The following GON4L variants were observed in gnomAD, a reference collection of about 807,000 sequenced individuals.
GON4L encodes GON-4-like protein.
A neutral mutation model predicts 211.8 loss-of-function variants in GON4L; 87 were observed. The ratio of observed to expected loss-of-function variants is 0.41; its 90% CI spans 0.35 to 0.49. The LOEUF is 0.49. Ranked by LOEUF, GON4L falls within the 20% of genes least tolerant of loss-of-function variation. The pLI is 0.15. For missense variants in GON4L, 2,155 were observed against 2,659.5 expected (o/e 0.81, Z 4.17); for synonymous variants, 875 against 962.6 (o/e 0.91, Z 1.68).
rs931552346 is a variant in GON4L at position 155,754,088 on chromosome 1, A to C, written c.5631+287T>G. On this transcript the variant is annotated intron_variant, in intron 28 of 31. Coordinates refer to ENST00000368331, the MANE Select transcript of GON4L (RefSeq NM_001282860.2). ...AGAACCAGGATTACTTGTAGAGACT[A>C]TTTTCACGACAGAGGTTTATTTCAT... is the stretch of plus-strand genomic sequence containing the variant. 2.3e-5 allele frequency: 10 copies of C among 431,534 alleles called. No individual in the cohort carries two copies. In the Admixed American group the frequency reaches 3.4e-4, roughly 15 times the overall value. 26.7% of individuals were successfully genotyped at this position (431,534 alleles called of 1,614,324 possible). A position where few individuals can be genotyped will look rare whatever the true frequency, so the allele number is the denominator to read the frequency against.
intron 10 of GON4L, among the ~76,000 whole-genome samples, chr1:155,807,721 A>AAAAAAAAAAAAAAAAAC (rs1667281884): frequency 2.0e-5 from 3 of 150,334 alleles, no homozygotes; most frequent in Non-Finnish European, 3.0e-5. Context: ...AAAAAAAAAA[A>AAAAAAAAAAAAAAAAAC]AAAAGAAAAT....
chr1:155,809,992 T>TTATATATATATATA (rs376035223), intron 10 of GON4L, among the ~76,000 whole-genome samples: 1 of 11,688 alleles, frequency 8.6e-5, no homozygotes, highest in African/African-American at 1.2e-4. Flanking sequence ...ATATATATAA[T>TTATATATATATATA]TATATATATA....
intron 1 of GON4L, among the ~76,000 whole-genome samples, chr1:155,856,770 AAAAG>A (rs767435977): frequency 6.6e-5 from 10 of 152,010 alleles, no homozygotes; most frequent in Non-Finnish European, 1.5e-4. Context: ...GAAAAAAAGA[AAAAG>A]AAAGAAAGAA....
Position 155,773,081 on chromosome 1 carries a change from G to A in GON4L, c.2480C>T (p.Thr827Ile), listed in dbSNP as rs1663377117. ...AKNPQDKIVF[T>I]KAEDNLLALG... Reference sequence around the variant, plus strand: ...AAACACTTACTTGTCCTCAGCCTTGGTGAAGACGATCTTATCCTGGGGATT... The same window carrying A: ...AAACACTTACTTGTCCTCAGCCTTGATGAAGACGATCTTATCCTGGGGATT... The change falls in exon 18 of 32, where the codon ACC becomes ATC. Residue 827 changes from threonine to isoleucine, a missense_variant. Transcript: ENST00000368331. The A allele has an allele frequency of 6.2e-7, 1 of 1,612,166 alleles. No individual in the cohort carries two copies. Among genetic ancestry groups the A allele is most frequent in the African/African-American group, 1.3e-5 (1 of 74,942 alleles).
At chr1:155,840,471 A>AAAAC (rs1670670317) in intron 2 of GON4L, among the ~76,000 whole-genome samples, 2 of 152,188 alleles carry the variant, frequency 1.3e-5, no homozygotes, top group African/African-American at 2.4e-5. Context: ...GCTGGGCTTT[A>AAAAC]TCAAAGCTAT....
chr1:155,771,528 G>C (rs1233162248), intron 18 of GON4L, among the ~76,000 whole-genome samples: 1 of 152,056 alleles, frequency 6.6e-6, no homozygotes, highest in African/African-American at 2.4e-5. Context: ...TTGGAGAGCG[G>C]GTGGCATGAT....
At chr1:155,792,440 G>A (rs1042938703) in intron 12 of GON4L, among the ~76,000 whole-genome samples, 2 of 152,062 alleles carry the variant, frequency 1.3e-5, no homozygotes, top group Admixed American at 6.6e-5. Flanking sequence ...GGCAAATATT[G>A]CCACCAGCTT....
downstream of GON4L, chr1:155,747,880 G>C: frequency 1.3e-6 from 2 of 1,581,818 alleles, no homozygotes; most frequent in Non-Finnish European, 1.7e-6. Flanking sequence ...CTGCTACCTG[G>C]TCCCTACCAT....
chr1:155,799,812 G>A (rs1290879085), intron 11 of GON4L, among the ~76,000 whole-genome samples: 2 of 152,146 alleles, frequency 1.3e-5, no homozygotes, highest in Admixed American at 6.6e-5. Context: ...TGATGAAAAT[G>A]AGCACCAAAG....
intron 14 of GON4L, among the ~76,000 whole-genome samples, chr1:155,779,278 A>T (rs1052441479): frequency 1.3e-5 from 2 of 151,738 alleles, no homozygotes; most frequent in Non-Finnish European, 2.9e-5. Flanking sequence ...AAAAAAAGAA[A>T]AAAGAAAGAA....
Position 155,783,994 on chromosome 1 carries a change from T to G in GON4L, c.1884A>C (p.Gln628His), listed in dbSNP as rs934408441. The change falls in exon 14 of 32, where the codon CAA becomes CAC. Residue 628 changes from glutamine to histidine, a missense_variant. Gln to His is a conservative substitution (Grantham distance 24, BLOSUM62 0). Coordinates refer to ENST00000368331, the MANE Select transcript of GON4L (RefSeq NM_001282860.2). ...GTCTTCAACTAGCCTACCGTAGAGCTTGAGGGGTGTTAAAGTTAGGACGAG... is the reference window on the plus strand; with the variant it reads ...GTCTTCAACTAGCCTACCGTAGAGCGTGAGGGGTGTTAAAGTTAGGACGAG... ...AEPRPNFNTP[Q>H]ALRFEEPLAN... is the part of the protein sequence containing the mutation. The G allele has an allele frequency of 5.0e-6, 8 of 1,613,784 alleles. No individual in the cohort carries two copies. Among genetic ancestry groups the G allele is most frequent in the Non-Finnish European group, 6.8e-6 (8 of 1,179,672 alleles).
intron 11 of GON4L, among the ~76,000 whole-genome samples, chr1:155,796,475 A>G (rs946839443): frequency 6.6e-6 from 1 of 151,996 alleles, no homozygotes; most frequent in African/African-American, 2.4e-5. Context: ...ACAAGGTTTC[A>G]CCATGTTGGC....
downstream of GON4L, chr1:155,746,888 T>C (rs1483219208): frequency 5.0e-6 from 8 of 1,596,420 alleles, 1 homozygote; most frequent in African/African-American, 6.4e-5. Flanking sequence ...GCCTCTGTCC[T>C]GAACTTTTTA....
At chr1:155,754,189 C>A in intron 28 of GON4L, 186 bp downstream of exon 28, 2 of 651,384 alleles carry the variant, frequency 3.1e-6, no homozygotes, top group Non-Finnish European at 5.6e-6. Flanking sequence ...ACAGAATTCT[C>A]TTTAAAAAAC....
chr1:155,802,383 C>G (rs1039387599), intron 11 of GON4L, among the ~76,000 whole-genome samples: 1 of 150,818 alleles, frequency 6.6e-6, no homozygotes, highest in African/African-American at 2.4e-5. Flanking sequence ...ATATATTACT[C>G]TTACAGTTTT....
At chr1:155,841,820 G>A (rs1312705186) in intron 2 of GON4L, among the ~76,000 whole-genome samples, 1 of 152,166 alleles carries the variant, frequency 6.6e-6, no homozygotes, top group Non-Finnish European at 1.5e-5. Context: ...CTGAGGTTAG[G>A]AGTTGGAGAC....
intron 2 of GON4L, among the ~76,000 whole-genome samples, chr1:155,844,970 C>T (rs1671091541): frequency 6.6e-6 from 1 of 152,164 alleles, no homozygotes; most frequent in Non-Finnish European, 1.5e-5. Flanking sequence ...GTTCTGACCC[C>T]TTAGATGAGG....
At chr1:155,745,560 G>C (rs980472645), downstream of GON4L, among the ~76,000 whole-genome samples, 18 of 152,250 alleles carry the variant, frequency 1.2e-4, no homozygotes, top group African/African-American at 4.1e-4. Flanking sequence ...CAGCGGCGGA[G>C]ACAGCGCCCA....
At chr1:155,797,415 G>A (rs528762101) in intron 11 of GON4L, among the ~76,000 whole-genome samples, 7 of 151,246 alleles carry the variant, frequency 4.6e-5, no homozygotes, top group African/African-American at 9.7e-5. Context: ...AGAGTCTGGC[G>A]CCTCTTCCAT....
Sources: allele counts gnomAD v4.1 joint callset (sites outside exome capture counted in the v4.1 genomes callset), GRCh38; gene constraint gnomAD v4.1.1; transcripts MANE v1.5; gene names NCBI Gene and HGNC (gene_info 2026-07-23, HGNC 2026-07-21).